The following NXPE2 variants were observed in gnomAD, a reference collection of about 807,000 sequenced individuals.
The protein encoded by NXPE2 is NXPE family member 2.
A neutral mutation model predicts 34.4 loss-of-function variants in NXPE2; 34 were observed. The ratio of observed to expected loss-of-function variants is 0.99; its 90% confidence interval spans 0.75 to 1.31. The LOEUF is 1.31. Among genes scored for constraint, NXPE2 ranks in the 40% most tolerant of loss-of-function variants. The probability of loss-of-function intolerance (pLI) is 0.00; values close to 1 mark genes in which losing one functional copy is unlikely to be tolerated. For synonymous variants in NXPE2, 235 were observed against 231.3 expected (o/e 1.02, Z -0.15); for missense variants, 649 against 672.5 (o/e 0.97, Z 0.39).
the NXPE2 span, chr11:114,583,417 C>T: frequency 3.1e-6 from 2 of 651,476 alleles, no homozygotes; most frequent in South Asian, 2.9e-5. Context: ...AAACCCATCA[C>T]CCTCACAAAG....
chr11:114,809,050 A>G, the NXPE2 span, among the ~76,000 whole-genome samples: 1 of 152,214 alleles, frequency 6.6e-6, no homozygotes, highest in Non-Finnish European at 1.5e-5. Flanking sequence ...TACACAAATC[A>G]ATAAATGTAA....
the NXPE2 span, among the ~76,000 whole-genome samples, chr11:114,607,925 T>C: frequency 6.6e-6 from 1 of 151,918 alleles, no homozygotes; most frequent in Admixed American, 6.6e-5. Context: ...GGATAATAAG[T>C]ATTGCCTCAT....
the NXPE2 span, among the ~76,000 whole-genome samples, chr11:114,760,569 GTATT>G: frequency 6.6e-6 from 1 of 152,174 alleles, no homozygotes; most frequent in African/African-American, 2.4e-5. Context: ...AGCTCCTTAA[GTATT>G]TATCCAAGAC....
the NXPE2 span, among the ~76,000 whole-genome samples, chr11:114,729,822 A>G: frequency 0.21 from 32,011 of 152,044 alleles, 3,897 homozygotes; most frequent in East Asian, 0.37. Context: ...GTTAGATTAT[A>G]GTGCAAAATA....
the NXPE2 span, among the ~76,000 whole-genome samples, chr11:114,800,217 T>G: frequency 6.6e-6 from 1 of 152,242 alleles, no homozygotes; most frequent in African/African-American, 2.4e-5. Context: ...AATTGCAAGC[T>G]TCTTGGATGA....
chr11:114,760,823 C>G, the NXPE2 span, among the ~76,000 whole-genome samples: 1 of 152,216 alleles, frequency 6.6e-6, no homozygotes, highest in Non-Finnish European at 1.5e-5. Context: ...CCCAAACACA[C>G]ATTTTAATCA....
intron 2 of NXPE2, among the ~76,000 whole-genome samples, chr11:114,683,876 A>G (rs1354782224): frequency 1.3e-5 from 2 of 152,188 alleles, no homozygotes; most frequent in Admixed American, 6.5e-5. Context: ...AATTTGGCCT[A>G]TAATTGACAG....
chr11:114,703,842 AC>A, intron 3 of NXPE2, 148 bp from the exon 4 acceptor site: 1 of 623,766 alleles, frequency 1.6e-6, no homozygotes. Flanking sequence ...CAGAATCCTG[AC>A]CCATTAACTT....
chr11:114,803,949 CA>C, the NXPE2 span, among the ~76,000 whole-genome samples: 1 of 152,168 alleles, frequency 6.6e-6, no homozygotes, highest in African/African-American at 2.4e-5. Flanking sequence ...AATCACCCCC[CA>C]AAGGTCCTCC....
At chr11:114,545,175 C>T in the NXPE2 span, among the ~76,000 whole-genome samples, 92 of 152,288 alleles carry the variant, frequency 6.0e-4, no homozygotes, top group African/African-American at 2.2e-3. Context: ...TAAAGCTAAA[C>T]ATAGTCTTAC....
the NXPE2 span, among the ~76,000 whole-genome samples, chr11:114,546,167 G>A: frequency 4.6e-5 from 7 of 152,152 alleles, no homozygotes; most frequent in Admixed American, 2.6e-4. Flanking sequence ...TCTGTAAGGC[G>A]AAAGACAAAA....
the NXPE2 span, among the ~76,000 whole-genome samples, chr11:114,804,938 T>G: frequency 2.0e-5 from 3 of 152,222 alleles, no homozygotes; most frequent in African/African-American, 7.2e-5. Context: ...CTGAAGGAAT[T>G]TGAAAATGTA....
the NXPE2 span, among the ~76,000 whole-genome samples, chr11:114,517,420 T>C: frequency 6.6e-6 from 1 of 152,212 alleles, no homozygotes; most frequent in African/African-American, 2.4e-5. Flanking sequence ...TAGATGATCA[T>C]GGTGCTACTC....
chr11:114,738,423 ACT>A, the NXPE2 span, among the ~76,000 whole-genome samples: 17 of 151,886 alleles, frequency 1.1e-4, no homozygotes, highest in African/African-American at 3.4e-4. Flanking sequence ...ATTGCTCTCC[ACT>A]CTCTTTGGCT....
the NXPE2 span, chr11:114,530,899 C>G: frequency 1.2e-6 from 2 of 1,605,186 alleles, no homozygotes; most frequent in African/African-American, 1.3e-5. Flanking sequence ...AAGTTTAGAG[C>G]AGACCAAAGC....
chr11:114,691,645 C>T (rs906117130), intron 2 of NXPE2, among the ~76,000 whole-genome samples: 6 of 152,216 alleles, frequency 3.9e-5, no homozygotes, highest in African/African-American at 1.4e-4. Flanking sequence ...TGCAACACTA[C>T]ACTGAGAAGA....
the NXPE2 span, among the ~76,000 whole-genome samples, chr11:114,623,182 G>C: frequency 6.6e-6 from 1 of 151,890 alleles, no homozygotes; most frequent in African/African-American, 2.4e-5. Context: ...AATAATTATT[G>C]CCTCTAGGGT....
the NXPE2 span, among the ~76,000 whole-genome samples, chr11:114,470,399 A>G: frequency 6.6e-6 from 1 of 152,180 alleles, no homozygotes; most frequent in Non-Finnish European, 1.5e-5. Flanking sequence ...AAATAGGTGT[A>G]TAGTGGTGTC....
chr11:114,668,738 A>G, the NXPE2 span, among the ~76,000 whole-genome samples: 1 of 152,272 alleles, frequency 6.6e-6, no homozygotes, highest in East Asian at 1.9e-4. Flanking sequence ...GTTAATCTTT[A>G]GTGAATATTG....
Sources: gnomAD v4.1 joint callset for allele counts (sites outside exome capture counted in the v4.1 genomes callset) on GRCh38, gnomAD v4.1.1 for gene constraint, MANE v1.5 for transcripts, NCBI Gene and HGNC (gene_info 2026-07-23, HGNC 2026-07-21) for gene names.